BCL2L13: variants seen among roughly 807,000 people sequenced by gnomAD.
BCL2L13 encodes BCL2 like 13, also known as bcl-2-like protein 13.
A neutral mutation model predicts 25.8 loss-of-function variants in BCL2L13; 13 were observed. That is an observed-to-expected ratio of 0.50 (90% CI 0.33 to 0.80). The LOEUF is 0.80. BCL2L13 is among the 30% of genes least tolerant of loss of function. The pLI, the probability that BCL2L13 is intolerant of heterozygous loss-of-function variation, is 0.02. For synonymous variants in BCL2L13, 244 were observed against 230.3 expected (o/e 1.06, Z -0.54); for missense variants, 504 against 574.9 (o/e 0.88, Z 1.26).
chr22:17,655,066 T>C (rs201269704), intron 1 of BCL2L13, among the ~76,000 whole-genome samples: 1 of 3,578 alleles, frequency 2.8e-4, no homozygotes, highest in Admixed American at 2.7e-3. Flanking sequence ...TTAAATTTTC[T>C]TTTTTTTTTC....
rs1212129784 is a variant in BCL2L13, at chr22:17,729,891, G to C, written c.*2357G>C. 6.6e-6 allele frequency: 1 copy of C among 152,190 alleles called. No homozygotes were observed. Among genetic ancestry groups the C allele is most frequent in the African/African-American group, 2.4e-5 (1 of 41,440 alleles). The allele number at this position is 152,190 out of a possible 1,614,324, so 9.4% of individuals were successfully genotyped here. The stretch of plus-strand genomic sequence containing the variant: ...TCCTCACCCTCTGCCTCCAGCAGTG[G>C]AAGGGAACAGCCCTCATGAGGACTG... On this transcript the variant is annotated 3_prime_UTR_variant, in exon 7 of 7. Coordinates refer to ENST00000317582, the MANE Select transcript of BCL2L13 (RefSeq NM_015367.4).
chr22:17,638,568 G>T, upstream of BCL2L13: 1 of 785,732 alleles, frequency 1.3e-6, no homozygotes, highest in Non-Finnish European at 1.7e-6. Context: ...TCTGAGAGAC[G>T]GAACTTCCGA....
intron 2 of BCL2L13, among the ~76,000 whole-genome samples, chr22:17,676,147 T>G (rs1406331011): frequency 6.6e-6 from 1 of 152,112 alleles, no homozygotes; most frequent in Non-Finnish European, 1.5e-5. Flanking sequence ...CAACTACCCT[T>G]TGTGGTGGGT....
At chr22:17,689,207 G>C (rs1294022478) in intron 4 of BCL2L13, 65 bp downstream of exon 4, 12 of 1,503,608 alleles carry the variant, frequency 8.0e-6, no homozygotes, top group African/African-American at 6.9e-5. Context: ...ATGCAGCACT[G>C]GATTGGTTAG....
At chr22:17,644,111 A>G (rs767683589) in intron 1 of BCL2L13, among the ~76,000 whole-genome samples, 6 of 150,624 alleles carry the variant, frequency 4.0e-5, no homozygotes, top group Non-Finnish European at 8.8e-5. Context: ...GGATTTCACC[A>G]TGTTGGCCAG....
chr22:17,657,316 C>T (rs907000046), intron 2 of BCL2L13, among the ~76,000 whole-genome samples: 2 of 152,148 alleles, frequency 1.3e-5, no homozygotes, highest in African/African-American at 4.8e-5. Flanking sequence ...CATTTGTTTA[C>T]TCTGGAAAAA....
At chr22:17,710,876 C>CAAAAAAAATAAAAATA (rs1555894260) in intron 6 of BCL2L13, among the ~76,000 whole-genome samples, 1 of 147,796 alleles carries the variant, frequency 6.8e-6, no homozygotes, top group African/African-American at 2.5e-5. Context: ...GACTCCGTCT[C>CAAAAAAAATAAAAATA]AAAAAAAATA....
intron 1 of BCL2L13, among the ~76,000 whole-genome samples, chr22:17,649,018 C>G (rs1334568305): frequency 1.3e-5 from 2 of 151,860 alleles, no homozygotes; most frequent in East Asian, 1.9e-4. Flanking sequence ...TCACTGCAGC[C>G]TCAATCTCCT....
intron 1 of BCL2L13, among the ~76,000 whole-genome samples, chr22:17,631,616 A>T (rs2058015113): frequency 7.7e-6 from 1 of 129,542 alleles, no homozygotes; most frequent in Admixed American, 8.6e-5. Flanking sequence ...CTCCCACCTC[A>T]GCTCTTTGTC....
rs770410371 is a variant in BCL2L13, at chr22:17,680,511, C to CAAAAAAAAAAAAAAAAAA, written c.122-2690_122-2673dup. ...CCTGGGAGAGAGCGAGACTCTGTCTCAAAAAAAAAAAAAAAAAAAAAAAAA... is the reference window on the plus strand; with the variant it reads ...CCTGGGAGAGAGCGAGACTCTGTCTCAAAAAAAAAAAAAAAAAAAAAAAAAAAAAAAAAAAAAAAAAAA... On this transcript the variant is annotated intron_variant, in intron 2 of 6. Transcript: ENST00000317582. Among the ~76,000 whole-genome samples, 5 of 13,346 alleles carry CAAAAAAAAAAAAAAAAAA rather than the reference C, an allele frequency of 3.7e-4. 1 individual carries two copies. The highest frequency in any genetic ancestry group is 1.2e-3 in the African/African-American group (4 of 3,318). The allele number at this position is 13,346 out of a possible 152,430, so 8.8% of individuals were successfully genotyped here.
intron 2 of BCL2L13, among the ~76,000 whole-genome samples, chr22:17,670,657 G>T (rs755247680): frequency 6.6e-6 from 1 of 152,158 alleles, no homozygotes; most frequent in Admixed American, 6.6e-5. Flanking sequence ...GAGCCACTGC[G>T]CCCGGCTTAC....
intron 2 of BCL2L13, among the ~76,000 whole-genome samples, chr22:17,656,661 T>C (rs1216384132): frequency 1.3e-5 from 2 of 151,952 alleles, no homozygotes; most frequent in African/African-American, 4.8e-5. Flanking sequence ...TTATTCTATT[T>C]GAAAGATATT....
At chr22:17,703,561 T>G (rs2060503490) in intron 6 of BCL2L13, 1 of 152,222 alleles carries the variant, frequency 6.6e-6, no homozygotes, top group South Asian at 2.1e-4. Flanking sequence ...GAGAGAGTAC[T>G]TTTCATAAAG....
intron 2 of BCL2L13, among the ~76,000 whole-genome samples, chr22:17,674,719 G>C (rs1003672264): frequency 3.9e-5 from 6 of 152,080 alleles, no homozygotes; most frequent in African/African-American, 1.4e-4. Flanking sequence ...AAACTCCTGA[G>C]CTCAAGGGGT....
rs2061349543 is a variant in BCL2L13 at position 17,728,418 on chromosome 22, T to C, written c.*884T>C. Reference sequence around the variant, plus strand: ...TGGCTAGAGAGACACATGTGTCTTGTGTCAAGGCAGGAGGATAACCTGGAT... The same window carrying C: ...TGGCTAGAGAGACACATGTGTCTTGCGTCAAGGCAGGAGGATAACCTGGAT... On this transcript the variant is annotated 3_prime_UTR_variant, in exon 7 of 7. Coordinates refer to ENST00000317582, the MANE Select transcript of BCL2L13 (RefSeq NM_015367.4). 1 of 152,224 alleles carries C rather than the reference T, an allele frequency of 6.6e-6. No homozygotes were observed. Among genetic ancestry groups the C allele is most frequent in the East Asian group, 1.9e-4 (1 of 5,178 alleles). 9.4% of individuals were successfully genotyped at this position (152,224 alleles called of 1,614,324 possible).
chr22:17,696,887 A>AG (rs745654724), intron 5 of BCL2L13, among the ~76,000 whole-genome samples: 4 of 152,214 alleles, frequency 2.6e-5, no homozygotes, highest in South Asian at 2.1e-4. Context: ...GGCAGGGTAT[A>AG]GGGGGATGCA....
At chr22:17,634,362 T>C (rs562411680), upstream of BCL2L13, among the ~76,000 whole-genome samples, 4 of 152,160 alleles carry the variant, frequency 2.6e-5, no homozygotes, top group East Asian at 7.7e-4. Flanking sequence ...ATTTTTTGTA[T>C]TTTTAGTAGA....
At chr22:17,632,644 A>T (rs1326351258) in intron 1 of BCL2L13, among the ~76,000 whole-genome samples, 1 of 152,108 alleles carries the variant, frequency 6.6e-6, no homozygotes, top group Non-Finnish European at 1.5e-5. Flanking sequence ...CTAATTCTAC[A>T]TGTCAAATTG....
At chr22:17,650,358 T>G (rs1470826086) in intron 1 of BCL2L13, among the ~76,000 whole-genome samples, 1 of 152,186 alleles carries the variant, frequency 6.6e-6, no homozygotes, top group African/African-American at 2.4e-5. Context: ...ACCCCTTAAA[T>G]GTTAGTGGAT....
Sources: allele counts gnomAD v4.1 joint callset (sites outside exome capture counted in the v4.1 genomes callset), GRCh38; gene constraint gnomAD v4.1.1; transcripts MANE v1.5; gene names NCBI Gene and HGNC (gene_info 2026-07-23, HGNC 2026-07-21).